Variants in PHACTR1 observed in about 807,000 individuals in gnomAD.
PHACTR1 encodes phosphatase and actin regulator 1, also known as RPEL repeat containing 1.
In PHACTR1, 16 loss-of-function variants were observed where a neutral mutation model predicts 69.2. The ratio of observed to expected loss-of-function variants is 0.23; its 90% CI spans 0.16 to 0.35. The LOEUF (loss-of-function observed/expected upper bound fraction) is 0.35, where lower values mean the gene tolerates loss of function less well. Among genes scored for constraint, PHACTR1 ranks in the 10% least tolerant of loss-of-function variants. PHACTR1 has a pLI of 1.00. For missense variants in PHACTR1, 510 were observed against 734.7 expected (o/e 0.69, Z 3.54); for synonymous variants, 312 against 284.5 (o/e 1.10, Z -0.97).
intron 4 of PHACTR1, among the ~76,000 whole-genome samples, chr6:12,888,050 G>A (rs1783810603): frequency 8.8e-6 from 1 of 114,212 alleles, no homozygotes; most frequent in Non-Finnish European, 1.7e-5. Flanking sequence ...TCTAGCCTGG[G>A]CAACAGAGTG....
rs995407530 is a variant in PHACTR1, at chr6:13,245,153, A to G, written c.1391+14960A>G. Among the ~76,000 whole-genome samples the G allele has an allele frequency of 6.6e-6, 1 of 152,160 alleles. No homozygotes were observed. Among genetic ancestry groups the G allele is most frequent in the African/African-American group, 2.4e-5 (1 of 41,424 alleles). ...AGTGCTGTGATGAACACACATGTGCATGTGTCTTTATGGTAGAATGATTTC... is the reference window on the plus strand; with the variant it reads ...AGTGCTGTGATGAACACACATGTGCGTGTGTCTTTATGGTAGAATGATTTC... On this transcript the variant is annotated intron_variant, in intron 10 of 14. Transcript: ENST00000332995. This position sits in a 1 kb window ranked among gnomAD's most constrained non-coding sequence, Gnocchi z 4.1.
At chr6:12,810,212 G>C (rs1015629213) in intron 4 of PHACTR1, among the ~76,000 whole-genome samples, 10 of 152,142 alleles carry the variant, frequency 6.6e-5, no homozygotes, top group Non-Finnish European at 1.0e-4. Context: ...TTCAAAGTTA[G>C]GTATTTTCAA....
At chr6:12,843,312 G>T (rs1448668966) in intron 4 of PHACTR1, among the ~76,000 whole-genome samples, 1 of 152,118 alleles carries the variant, frequency 6.6e-6, no homozygotes, top group Non-Finnish European at 1.5e-5. Flanking sequence ...TCTTTTCATT[G>T]TTTCCCATTT....
rs1452615151 is a variant in PHACTR1, at chr6:13,139,403, C to CA, written c.416-20796dup. On this transcript the variant is annotated intron_variant, in intron 5 of 14. Coordinates refer to ENST00000332995, the MANE Select transcript of PHACTR1 (RefSeq NM_030948.6). ...AGTATCAGCTGTTTGGTCCTCTTCACAAAAAGTTTGCCAACACCTGCTCTA... is the reference window on the plus strand; with the variant it reads ...AGTATCAGCTGTTTGGTCCTCTTCACAAAAAAGTTTGCCAACACCTGCTCTA... Among the ~76,000 whole-genome samples the CA allele has an allele frequency of 6.6e-5, 10 of 152,218 alleles. No homozygotes were observed. The East Asian group carries it at 1.7e-3, about 26-fold the overall frequency.
chr6:12,946,143 A>G (rs1790646781), intron 4 of PHACTR1, among the ~76,000 whole-genome samples: 1 of 151,880 alleles, frequency 6.6e-6, no homozygotes, highest in African/African-American at 2.4e-5. Flanking sequence ...ATGCCACAAA[A>G]GATAAAGAAT....
At chr6:13,149,846 AG>A (rs1168545765) in intron 5 of PHACTR1, among the ~76,000 whole-genome samples, 11 of 121,592 alleles carry the variant, frequency 9.0e-5, no homozygotes, top group African/African-American at 3.5e-4. Flanking sequence ...TTTTTTTTTT[AG>A]CTCATCAACT....
At chr6:13,221,239 C>A (rs139091832) in intron 8 of PHACTR1, among the ~76,000 whole-genome samples, 3 of 152,048 alleles carry the variant, frequency 2.0e-5, no homozygotes, top group Non-Finnish European at 4.4e-5. Context: ...GGCTGGAACC[C>A]TAGGAAGATG....
intron 3 of PHACTR1, among the ~76,000 whole-genome samples, chr6:12,727,219 G>T (rs114329460): frequency 6.6e-6 from 1 of 152,154 alleles, no homozygotes; most frequent in East Asian, 1.9e-4. Context: ...CAGGGAACAT[G>T]ATGGGTGAAA....
chr6:13,001,547 A>C (rs1412832162), intron 4 of PHACTR1, among the ~76,000 whole-genome samples: 2 of 152,188 alleles, frequency 1.3e-5, no homozygotes. Flanking sequence ...CATGACCTGC[A>C]ACAGCCCAGA....
At chr6:12,956,187 G>A (rs1791875258) in intron 4 of PHACTR1, among the ~76,000 whole-genome samples, 1 of 152,200 alleles carries the variant, frequency 6.6e-6, no homozygotes, top group Non-Finnish European at 1.5e-5. Context: ...TTCTTTTCCT[G>A]TATTCAGCAA....
intron 4 of PHACTR1, among the ~76,000 whole-genome samples, chr6:12,848,897 C>T (rs1460845341): frequency 6.6e-6 from 1 of 151,826 alleles, no homozygotes; most frequent in East Asian, 1.9e-4. Flanking sequence ...ATTAGAACCA[C>T]TAAAATGCCA....
chr6:12,934,332 T>A (rs1419288572), intron 4 of PHACTR1, among the ~76,000 whole-genome samples: 2 of 152,200 alleles, frequency 1.3e-5, no homozygotes, highest in African/African-American at 4.8e-5. Context: ...ACTATATCTA[T>A]AAAGACGCTA....
chr6:12,866,972 C>T (rs868313626), intron 4 of PHACTR1, among the ~76,000 whole-genome samples: 1 of 152,142 alleles, frequency 6.6e-6, no homozygotes, highest in Non-Finnish European at 1.5e-5. Context: ...TCTCCCTCCC[C>T]CCAGTTGCCC....
chr6:12,721,703 T>C (rs1762156479), intron 3 of PHACTR1, among the ~76,000 whole-genome samples: 1 of 152,170 alleles, frequency 6.6e-6, no homozygotes. Flanking sequence ...AAGTTCTGCT[T>C]TTACCATTAC....
At chr6:13,172,124 G>A (rs2113644890) in intron 6 of PHACTR1, among the ~76,000 whole-genome samples, 1 of 152,258 alleles carries the variant, frequency 6.6e-6, no homozygotes, top group Non-Finnish European at 1.5e-5. Flanking sequence ...CCCTATTAAT[G>A]ATGAAAGAGG....
chr6:12,737,398 T>TACACACACAC (rs3071780), intron 3 of PHACTR1, among the ~76,000 whole-genome samples: 1 of 149,380 alleles, frequency 6.7e-6, no homozygotes, highest in Admixed American at 6.7e-5. Flanking sequence ...TATTGTTTTA[T>TACACACACAC]ACACACACAC....
intron 6 of PHACTR1, among the ~76,000 whole-genome samples, chr6:13,167,588 T>C (rs7752718): frequency 0.052 from 7,866 of 152,132 alleles, 470 homozygotes; most frequent in African/African-American, 0.15. Flanking sequence ...GAGGTAATCC[T>C]ACAGGGAGGG....
chr6:13,121,541 C>T (rs1033511334), intron 5 of PHACTR1, among the ~76,000 whole-genome samples: 2 of 152,264 alleles, frequency 1.3e-5, no homozygotes, highest in South Asian at 2.1e-4. Flanking sequence ...AGGATATTAT[C>T]GTAGCTATTA....
At chr6:13,010,122 T>A (rs1411941773) in intron 4 of PHACTR1, among the ~76,000 whole-genome samples, 1 of 152,070 alleles carries the variant, frequency 6.6e-6, no homozygotes, top group Non-Finnish European at 1.5e-5. Context: ...GAGTGCACCC[T>A]CTTTCCTATT....
Sources: gnomAD v4.1 joint callset for allele counts (sites outside exome capture counted in the v4.1 genomes callset) on GRCh38, gnomAD v4.1.1 for gene constraint, Gnocchi (gnomAD v3.1) non-coding constraint, MANE v1.5 for transcripts, NCBI Gene and HGNC (gene_info 2026-07-23, HGNC 2026-07-21) for gene names.